Variants in C9orf153 observed in about 807,000 individuals in gnomAD.
C9orf153 encodes the protein uncharacterized protein C9orf153.
In C9orf153, 10 loss-of-function variants were observed where a neutral mutation model predicts 9.0. The observed-to-expected ratio is 1.11, with a 90% CI of 0.69 to 1.89. The LOEUF is 1.89. C9orf153 is among the 40% of genes most tolerant of loss of function. C9orf153 has a pLI of 0.00. For missense variants in C9orf153, 108 were observed against 111.0 expected (o/e 0.97, Z 0.12); for synonymous variants, 35 against 37.3 (o/e 0.94, Z 0.23).
chr9:86,230,545 C>T (rs1458306319), intron 1 of C9orf153, among the ~76,000 whole-genome samples: 1 of 152,222 alleles, frequency 6.6e-6, no homozygotes. Flanking sequence ...AGGTGATCCA[C>T]CCACCTCGGC....
chr9:86,227,128 C>A (rs1824354896), intron 3 of C9orf153, among the ~76,000 whole-genome samples: 1 of 152,004 alleles, frequency 6.6e-6, no homozygotes, highest in South Asian at 2.1e-4. Flanking sequence ...GTTCTCTGTT[C>A]TGCATTTTAT....
chr9:86,227,594 T>C lies in C9orf153; in HGVS notation c.242+261A>G, dbSNP rs1474741145. ...AAGTTTATCTTCAGAAATGAACTTTTCTGGGGTGGCACTGGAAATGCCTAA... is the reference window on the plus strand; with the variant it reads ...AAGTTTATCTTCAGAAATGAACTTTCCTGGGGTGGCACTGGAAATGCCTAA... On this transcript the variant is annotated intron_variant, in intron 3 of 3. Coordinates refer to ENST00000339137, the MANE Select transcript of C9orf153 (RefSeq NM_001276366.4). 1.3e-5 allele frequency: 13 copies of C among 985,276 alleles called. No homozygotes were observed. The Admixed American group carries it at 8.0e-4, about 61-fold the overall frequency. 61.0% of individuals were successfully genotyped at this position (985,276 alleles called of 1,614,324 possible).
chr9:86,225,805 A>ATGAC (rs1030515463), intron 3 of C9orf153, among the ~76,000 whole-genome samples: 3 of 152,128 alleles, frequency 2.0e-5, no homozygotes, highest in Admixed American at 2.0e-4. Context: ...TTGAATAGAC[A>ATGAC]TGACATGTAC....
chr9:86,241,489 C>T (rs1824742943), intron 1 of C9orf153, among the ~76,000 whole-genome samples: 1 of 152,214 alleles, frequency 6.6e-6, no homozygotes, highest in African/African-American at 2.4e-5. Context: ...CAAACACTGA[C>T]ATCATGATTG....
intron 2 of C9orf153, chr9:86,228,971 C>T: frequency 7.3e-6 from 2 of 272,130 alleles, no homozygotes; most frequent in Non-Finnish European, 1.5e-5. Context: ...CTCAGTTACG[C>T]CAACTTCAAG....
intron 1 of C9orf153, among the ~76,000 whole-genome samples, chr9:86,248,341 C>T (rs1795727634): frequency 6.6e-6 from 1 of 152,076 alleles, no homozygotes; most frequent in Non-Finnish European, 1.5e-5. Flanking sequence ...GTCATGTTGG[C>T]CAGGCTGGTC....
chr9:86,228,599 A>G (rs1018591690), intron 2 of C9orf153, among the ~76,000 whole-genome samples: 1 of 152,288 alleles, frequency 6.6e-6, no homozygotes, highest in African/African-American at 2.4e-5. Flanking sequence ...ATTGGCAGAA[A>G]AAAACAGTAA....
At chr9:86,253,774 T>C (rs1349053451) in intron 1 of C9orf153, among the ~76,000 whole-genome samples, 8 of 152,192 alleles carry the variant, frequency 5.3e-5, no homozygotes, top group Admixed American at 5.2e-4. Flanking sequence ...CTTCACTTTA[T>C]GCAATAAGTC....
At chr9:86,252,419 A>C (rs2131206626) in intron 1 of C9orf153, among the ~76,000 whole-genome samples, 1 of 152,344 alleles carries the variant, frequency 6.6e-6, no homozygotes, top group South Asian at 2.1e-4. Context: ...TCTTTAAATT[A>C]TCACTTTGGC....
chr9:86,224,291 A>C (rs1824269290), intron 3 of C9orf153, among the ~76,000 whole-genome samples: 1 of 151,998 alleles, frequency 6.6e-6, no homozygotes, highest in South Asian at 2.1e-4. Flanking sequence ...AGAGGCTGAG[A>C]TAGGAGGATT....
chr9:86,231,515 C>A (rs2131180349), intron 1 of C9orf153, among the ~76,000 whole-genome samples: 1 of 150,272 alleles, frequency 6.7e-6, no homozygotes, highest in South Asian at 2.1e-4. Context: ...AATTATGTTT[C>A]TCTTCCTTCC....
intron 3 of C9orf153, among the ~76,000 whole-genome samples, chr9:86,223,853 T>C (rs1824258996): frequency 6.6e-6 from 1 of 152,162 alleles, no homozygotes; most frequent in Admixed American, 6.5e-5. Flanking sequence ...GCCCAGGTCC[T>C]TGGAGACATT....
At chr9:86,233,478 G>A (rs1222434173) in intron 1 of C9orf153, among the ~76,000 whole-genome samples, 3 of 151,846 alleles carry the variant, frequency 2.0e-5, no homozygotes, top group African/African-American at 4.8e-5. Context: ...GTGCAGTGGC[G>A]CAGTCTCGGC....
chr9:86,232,068 T>C (rs927973816), intron 1 of C9orf153, among the ~76,000 whole-genome samples: 6 of 152,160 alleles, frequency 3.9e-5, no homozygotes, highest in Non-Finnish European at 8.8e-5. Flanking sequence ...GCAGTGCCAA[T>C]ATCCAACTTC....
At chr9:86,245,869 G>A (rs1432505582) in intron 1 of C9orf153, among the ~76,000 whole-genome samples, 4 of 152,176 alleles carry the variant, frequency 2.6e-5, no homozygotes, top group Admixed American at 2.6e-4. Context: ...AAAAATGATT[G>A]TTTCCTGTGA....
At position 86,229,604 on chromosome 9, in the gene C9orf153, C is replaced by A. The variant is rs758319960; in HGVS notation, c.-1G>T. On this transcript the variant is annotated 5_prime_UTR_variant, in exon 2 of 4. Coordinates refer to ENST00000339137, the MANE Select transcript of C9orf153 (RefSeq NM_001276366.4). Reference sequence around the variant, plus strand: ...GACTGGTGTCTCCAGTGAGGAACATCGTGCTGGGATTTTATTCTCTAATTC... The same window carrying A: ...GACTGGTGTCTCCAGTGAGGAACATAGTGCTGGGATTTTATTCTCTAATTC... The A allele has an allele frequency of 6.2e-7, 1 of 1,609,098 alleles. No homozygotes were observed. Among genetic ancestry groups the A allele is most frequent in the East Asian group, 2.2e-5 (1 of 44,848 alleles).
intron 1 of C9orf153, among the ~76,000 whole-genome samples, chr9:86,240,707 C>CTTTTTTTTTTTTTTT (rs367674249): frequency 7.7e-5 from 9 of 117,012 alleles, no homozygotes; most frequent in Non-Finnish European, 1.2e-4. Context: ...TTTTCTTTTT[C>CTTTTTTTTTTTTTTT]TTTTTTTTTT....
chr9:86,256,068 C>G (rs1360826230), intron 1 of C9orf153, among the ~76,000 whole-genome samples: 2 of 152,254 alleles, frequency 1.3e-5, no homozygotes, highest in East Asian at 1.9e-4. Flanking sequence ...GATTCTACAG[C>G]ATTCTGGAAT....
intron 1 of C9orf153, among the ~76,000 whole-genome samples, chr9:86,233,366 C>T (rs1173225363): frequency 1.3e-5 from 2 of 152,148 alleles, no homozygotes; most frequent in East Asian, 3.9e-4. Flanking sequence ...TTCTTAAAAA[C>T]AATAGTGACT....
Sources: allele counts gnomAD v4.1 joint callset (sites outside exome capture counted in the v4.1 genomes callset), GRCh38; gene constraint gnomAD v4.1.1; transcripts MANE v1.5; gene names NCBI Gene and HGNC (gene_info 2026-07-23, HGNC 2026-07-21).